Variants in PDGFRA observed in about 807,000 individuals in gnomAD.
PDGFRA encodes platelet-derived growth factor receptor alpha.
A neutral mutation model predicts 121.5 loss-of-function variants in PDGFRA; 25 were observed. The observed-to-expected ratio is 0.21, with a 90% CI of 0.15 to 0.29. The LOEUF is 0.29. Among genes scored for constraint, PDGFRA ranks in the 10% least tolerant of loss-of-function variants. The pLI is 1.00. For missense variants in PDGFRA, 1,008 were observed against 1,345.1 expected, an observed-to-expected ratio of 0.75 and a Z score of 3.92; for synonymous variants, 463 against 494.8, an observed-to-expected ratio of 0.94 and a Z score of 0.85.
chr4:54,293,557 A>G (rs1163097954), intron 22 of PDGFRA, among the ~76,000 whole-genome samples: 1 of 150,470 alleles, frequency 6.6e-6, no homozygotes, highest in Admixed American at 6.7e-5. Context: ...CCGCCTCCTG[A>G]GTAGCTGGGA....
intron 1 of PDGFRA, among the ~76,000 whole-genome samples, chr4:54,232,136 A>T (rs1412842510): frequency 6.6e-6 from 1 of 152,216 alleles, no homozygotes; most frequent in Non-Finnish European, 1.5e-5. Flanking sequence ...TGACAATTCT[A>T]GGAAAAGAGC....
intron 17 of PDGFRA, 59 bp from the exon 18 acceptor site, chr4:54,285,782 G>T (rs550173632): frequency 2.0e-6 from 3 of 1,487,810 alleles, no homozygotes; most frequent in Non-Finnish European, 1.8e-6. Context: ...TCTTGCAGGG[G>T]TGATGCTATT....
chr4:54,239,534 G>T (rs1721184811), intron 1 of PDGFRA, among the ~76,000 whole-genome samples: 1 of 152,210 alleles, frequency 6.6e-6, no homozygotes, highest in Admixed American at 6.5e-5. Flanking sequence ...ACCTCCCGTT[G>T]ACTTTAAATT....
At chr4:54,248,187 A>C (rs1006942069) in intron 1 of PDGFRA, among the ~76,000 whole-genome samples, 3 of 152,176 alleles carry the variant, frequency 2.0e-5, no homozygotes, top group Non-Finnish European at 2.9e-5. Flanking sequence ...GCTACCAATG[A>C]CTTTCTTCAC....
At chr4:54,283,501 C>T (rs993913632) in intron 16 of PDGFRA, among the ~76,000 whole-genome samples, 6 of 152,248 alleles carry the variant, frequency 3.9e-5, no homozygotes, top group African/African-American at 1.4e-4. Flanking sequence ...GCAGTGGACC[C>T]TGGGGCTGGC....
rs1560488978 is a variant in PDGFRA, at chr4:54,285,444, C to T, written c.2397C>T (p.Thr799=). 1 of 1,586,038 alleles carries T rather than the reference C, an allele frequency of 6.3e-7. No homozygotes were observed. The highest frequency in any genetic ancestry group is 8.7e-7 in the Non-Finnish European group (1 of 1,154,510). The change falls in exon 17 of 23, where the codon ACC becomes ACT. Residue 799 remains threonine (T), a synonymous_variant. Coordinates refer to ENST00000257290, the MANE Select transcript of PDGFRA (RefSeq NM_006206.6). ...CTTTATTGGATTTGTTGAGCTTCAC[C>T]TATCAAGTTGCCCGAGGAATGGAGT... is the stretch of plus-strand genomic sequence containing the variant. ...GLTLLDLLSF[T]YQVARGMEFL...
intron 1 of PDGFRA, among the ~76,000 whole-genome samples, chr4:54,248,846 A>G (rs975617097): frequency 6.6e-6 from 1 of 152,330 alleles, no homozygotes; most frequent in East Asian, 1.9e-4. Flanking sequence ...TCCAGACTCT[A>G]CAATGAACTT....
At chr4:54,233,440 C>T (rs1468393478) in intron 1 of PDGFRA, among the ~76,000 whole-genome samples, 2 of 152,244 alleles carry the variant, frequency 1.3e-5, no homozygotes, top group Non-Finnish European at 2.9e-5. Flanking sequence ...AGCTGGCGAG[C>T]CGGGTAAGAT....
At chr4:54,234,193 G>A (rs369838150) in intron 1 of PDGFRA, among the ~76,000 whole-genome samples, 2 of 151,954 alleles carry the variant, frequency 1.3e-5, no homozygotes, top group Admixed American at 1.3e-4. Context: ...GGGATGATGG[G>A]GAGATGTCCC....
Position 54,287,518 on chromosome 4 carries a change from T to C in PDGFRA, c.2651T>C (p.Leu884Pro), listed in dbSNP as rs2110341718. ...TLSDVWSYGI[L>P]LWEIFSLGGT... ...AGTGATGTCTGGTCTTATGGCATTC[T>C]GCTCTGGGAGATCTTTTCCCTTGGT... Residue 884 changes from leucine (L) to proline (P), a missense_variant, in exon 19 of 23, where the codon CTG becomes CCG. Leu to Pro is a moderately conservative substitution (Grantham distance 98, BLOSUM62 -3). Transcript: ENST00000257290. The C allele has an allele frequency of 6.7e-7, 1 of 1,490,066 alleles. No individual in the cohort carries two copies. Among genetic ancestry groups the C allele is most frequent in the Non-Finnish European group, 9.4e-7 (1 of 1,066,854 alleles). The allele number at this position is 1,490,066 out of a possible 1,614,324, so 92.3% of individuals were successfully genotyped here.
chr4:54,267,423 G>A lies in PDGFRA; in HGVS notation c.894G>A (p.Glu298=), dbSNP rs1253098644. 1 of 1,614,186 alleles carries A rather than the reference G, an allele frequency of 6.2e-7. No individual in the cohort carries two copies. The change falls in exon 6 of 23, where the codon GAG becomes GAA. Residue 298 remains glutamate, a synonymous_variant. Coordinates refer to ENST00000257290, the MANE Select transcript of PDGFRA (RefSeq NM_006206.6). ...YECAARQATR[E]VKEMKKVTIS... is the part of the protein sequence containing the mutation. ...GTGCTGCCCGCCAGGCTACCAGGGAGGTCAAAGAAATGAAGAAAGTCACTA... is the reference window on the plus strand; with the variant it reads ...GTGCTGCCCGCCAGGCTACCAGGGAAGTCAAAGAAATGAAGAAAGTCACTA...
intron 3 of PDGFRA, among the ~76,000 whole-genome samples, chr4:54,261,931 A>ATATATATTTT (rs57094735): frequency 8.6e-5 from 5 of 58,414 alleles, no homozygotes; most frequent in Admixed American, 6.8e-4. Flanking sequence ...ATATATATAT[A>ATATATATTTT]TTTTTTTTTT....
intron 1 of PDGFRA, among the ~76,000 whole-genome samples, chr4:54,232,317 G>T (rs780646469): frequency 3.3e-5 from 5 of 152,198 alleles, no homozygotes; most frequent in Non-Finnish European, 7.3e-5. Context: ...CCCCTAATTC[G>T]GGTTCTGCCA....
intron 1 of PDGFRA, among the ~76,000 whole-genome samples, chr4:54,242,550 T>C (rs1268145206): frequency 3.3e-5 from 5 of 152,156 alleles, no homozygotes; most frequent in African/African-American, 9.7e-5. Flanking sequence ...TTTATATATA[T>C]ATACACACAC....
At chr4:54,266,574 T>G (rs947088851) in intron 5 of PDGFRA, among the ~76,000 whole-genome samples, 1 of 152,170 alleles carries the variant, frequency 6.6e-6, no homozygotes, top group Non-Finnish European at 1.5e-5. Flanking sequence ...TAAGTATTTC[T>G]TATCCATAGA....
At chr4:54,294,244 G>C (rs1313293463) in intron 22 of PDGFRA, among the ~76,000 whole-genome samples, 1 of 151,952 alleles carries the variant, frequency 6.6e-6, no homozygotes, top group East Asian at 1.9e-4. Flanking sequence ...ACTTCACGGG[G>C]GTCGGGGAAG....
chr4:54,293,111 T>G (rs933792740), intron 22 of PDGFRA, among the ~76,000 whole-genome samples: 24 of 152,222 alleles, frequency 1.6e-4, no homozygotes, highest in Admixed American at 6.5e-4. Context: ...TTGGTTGCTA[T>G]GTCTCTGTAA....
At chr4:54,281,190 C>A (rs1229575835) in intron 16 of PDGFRA, among the ~76,000 whole-genome samples, 3 of 152,138 alleles carry the variant, frequency 2.0e-5, no homozygotes, top group African/African-American at 4.8e-5. Flanking sequence ...AGGGTGGTTC[C>A]TCCAGAGCCC....
At position 54,295,297 on chromosome 4, in the gene PDGFRA, C is replaced by T. The variant is rs1724832121; in HGVS notation, c.*25C>T. The T allele has an allele frequency of 2.5e-6, 4 of 1,613,100 alleles. No homozygotes were observed. Among genetic ancestry groups the T allele is most frequent in the Non-Finnish European group, 3.4e-6 (4 of 1,179,276 alleles). On this transcript the variant is annotated 3_prime_UTR_variant, in exon 23 of 23. Coordinates refer to ENST00000257290, the MANE Select transcript of PDGFRA (RefSeq NM_006206.6). ...ACTGGCGGATTCGAGGGGTTCCTTCCACTTCTGGGGCCACCTCTGGATCCC... is the reference window on the plus strand; with the variant it reads ...ACTGGCGGATTCGAGGGGTTCCTTCTACTTCTGGGGCCACCTCTGGATCCC...
Sources: gnomAD v4.1 joint callset for allele counts (sites outside exome capture counted in the v4.1 genomes callset) on GRCh38, gnomAD v4.1.1 for gene constraint, MANE v1.5 for transcripts, NCBI Gene and HGNC (gene_info 2026-07-23, HGNC 2026-07-21) for gene names.